The following MAP3K2 variants were observed in gnomAD, a reference collection of about 807,000 sequenced individuals.
MAP3K2 encodes the protein MAP/ERK kinase kinase 2.
MAP3K2 carries 24 observed loss-of-function variants against 80.3 expected under a neutral mutation model. That is an observed-to-expected ratio of 0.30 (90% CI 0.22 to 0.42). The LOEUF (loss-of-function observed/expected upper bound fraction) is 0.42. MAP3K2 is among the 10% of genes least tolerant of loss of function. MAP3K2 has a pLI of 1.00. For synonymous variants in MAP3K2, 244 were observed against 253.7 expected, an observed-to-expected ratio of 0.96 and a Z score of 0.36; for missense variants, 608 against 750.1, an observed-to-expected ratio of 0.81 and a Z score of 2.21.
intron 1 of MAP3K2, among the ~76,000 whole-genome samples, chr2:127,352,546 A>C (rs1686709500): frequency 6.6e-6 from 1 of 152,166 alleles, no homozygotes; most frequent in Non-Finnish European, 1.5e-5. Context: ...ACTAACCCTC[A>C]AATCTGTATC....
Position 127,364,416 on chromosome 2 carries a change from C to G in MAP3K2, c.-65-21222G>C, listed in dbSNP as rs898818762. Among the ~76,000 whole-genome samples the G allele has an allele frequency of 6.6e-6, 1 of 152,114 alleles. No homozygotes were observed. Among genetic ancestry groups the G allele is most frequent in the Non-Finnish European group, 1.5e-5 (1 of 68,018 alleles). The stretch of plus-strand genomic sequence containing the variant: ...GCTTCCTTTTTTCTACTTGTCCAAA[C>G]CATCTTTTAAGGGCCCAGCTTAAGC... On this transcript the variant is annotated intron_variant, in intron 1 of 16. Coordinates refer to ENST00000682094, the MANE Select transcript of MAP3K2 (RefSeq NM_001371910.2). This position sits in a 1 kb window ranked among gnomAD's most constrained non-coding sequence, Gnocchi z 4.1.
chr2:127,317,039 C>T (rs1002420912), intron 14 of MAP3K2: 16 of 143,196 alleles, frequency 1.1e-4, no homozygotes, highest in Admixed American at 3.1e-4. Flanking sequence ...CTAGAGAAAT[C>T]CATGAGAATT....
chr2:127,357,407 G>A (rs1340227638), intron 1 of MAP3K2, among the ~76,000 whole-genome samples: 1 of 152,172 alleles, frequency 6.6e-6, no homozygotes, highest in African/African-American at 2.4e-5. Flanking sequence ...GAGGATCCCT[G>A]AGCCCAGGAG....
intron 1 of MAP3K2, among the ~76,000 whole-genome samples, chr2:127,349,381 G>C (rs1573996953): frequency 6.6e-6 from 1 of 152,028 alleles, no homozygotes. Flanking sequence ...GCCCAGGCTG[G>C]TCTCAAACTC....
intron 7 of MAP3K2, among the ~76,000 whole-genome samples, chr2:127,329,366 C>CTTTTTT (rs10625897): frequency 1.1e-4 from 16 of 146,360 alleles, no homozygotes; most frequent in Non-Finnish European, 1.3e-4. Context: ...CAATTAAAAC[C>CTTTTTT]TTTTTTTTTG....
At chr2:127,381,633 C>T (rs920553717) in intron 1 of MAP3K2, among the ~76,000 whole-genome samples, 2 of 152,210 alleles carry the variant, frequency 1.3e-5, no homozygotes, top group African/African-American at 4.8e-5. Context: ...GGAGAACAGG[C>T]TAGCATTACA....
At chr2:127,359,542 A>C (rs1686850807) in intron 1 of MAP3K2, among the ~76,000 whole-genome samples, 1 of 152,210 alleles carries the variant, frequency 6.6e-6, no homozygotes, top group Non-Finnish European at 1.5e-5. Context: ...GAAATGTTCG[A>C]CAATTTTTTA....
At position 127,339,603 on chromosome 2, in the gene MAP3K2, A is replaced by G. The variant is rs1379829017; in HGVS notation, c.5-553T>C. On this transcript the variant is annotated intron_variant, in intron 2 of 16. Transcript: ENST00000682094. The surrounding 1 kb of genome is among the most constrained non-coding windows in gnomAD (Gnocchi z 4.2). ...CTTCACCATAAGGTTTGACAAGACT[A>G]AAAACAGACTATTTAAAGATCTTGG... is the stretch of plus-strand genomic sequence containing the variant. 1.3e-5 allele frequency among the ~76,000 whole-genome samples: 2 copies of G among 152,208 alleles called. No homozygotes were observed. The highest frequency in any genetic ancestry group is 6.5e-5 in the Admixed American group (1 of 15,280).
At position 127,307,476 on chromosome 2, in the gene MAP3K2, TCTCCCCCATCTCTC is replaced by T; in HGVS notation, c.*89_*102del. 1 of 572,376 alleles carries T rather than the reference TCTCCCCCATCTCTC, an allele frequency of 1.7e-6. No individual in the cohort carries two copies. 35.5% of individuals were successfully genotyped at this position (572,376 alleles called of 1,614,324 possible). ...GAAATACTTTCCCTCTTGTCTTTTT[TCTCCCCCATCTCTC>T]TTTTTTTATAAAAAAGAAAAGTGCA... On this transcript the variant is annotated 3_prime_UTR_variant, in exon 17 of 17. Coordinates refer to ENST00000682094, the MANE Select transcript of MAP3K2 (RefSeq NM_001371910.2). This position sits in a 1 kb window ranked among gnomAD's most constrained non-coding sequence, Gnocchi z 5.4.
rs1407723735 is a variant in MAP3K2 at position 127,387,377 on chromosome 2, C to G, written c.-66+75G>C. Reference sequence around the variant, plus strand: ...AGCCCCCCTCCCGGCGCCCAGCCCGCGGCCCCCGACACACACGCGCGCACA... The same window carrying G: ...AGCCCCCCTCCCGGCGCCCAGCCCGGGGCCCCCGACACACACGCGCGCACA... On this transcript the variant is annotated intron_variant, in intron 1 of 16. Transcript: ENST00000682094. The G allele has an allele frequency of 4.1e-6, 3 of 726,842 alleles. No individual in the cohort carries two copies. In the African/African-American group the frequency reaches 5.8e-5, roughly 14 times the overall value. 45.0% of individuals were successfully genotyped at this position (726,842 alleles called of 1,614,324 possible).
upstream of MAP3K2, chr2:127,388,223 T>G (rs1313237897): frequency 1.1e-6 from 1 of 950,916 alleles, no homozygotes; most frequent in Non-Finnish European, 1.2e-6. Context: ...GCCTGTGCTG[T>G]TCCGTGTGCG....
rs772559116 is a variant in MAP3K2, at chr2:127,355,235, T to C, written c.-65-12041A>G. Among the ~76,000 whole-genome samples the C allele has an allele frequency of 3.9e-5, 6 of 152,128 alleles. 1 individual carries two copies. The highest frequency in any genetic ancestry group is 5.9e-5 in the Non-Finnish European group (4 of 68,036). On this transcript the variant is annotated intron_variant, in intron 1 of 16. Coordinates refer to ENST00000682094, the MANE Select transcript of MAP3K2 (RefSeq NM_001371910.2). ...GGCACAAAAAACTTGAAAAACACTT[T>C]ACCAAGATGCATCACAAACTGCTTA...
At position 127,301,470 on chromosome 2, in the gene MAP3K2, C is replaced by A. The variant is rs1418125437; in HGVS notation, c.*6109G>T. 1 of 152,188 alleles carries A rather than the reference C, an allele frequency of 6.6e-6. No homozygotes were observed. The highest frequency in any genetic ancestry group is 1.5e-5 in the Non-Finnish European group (1 of 68,030). The allele number at this position is 152,188 out of a possible 1,614,324, so 9.4% of individuals were successfully genotyped here. On this transcript the variant is annotated 3_prime_UTR_variant, in exon 17 of 17. Transcript: ENST00000682094. Reference sequence around the variant, plus strand: ...TGAAGGATATACCAGAATACAAATTCTACTAGTATCTGCTTTATAATTTTT... The same window carrying A: ...TGAAGGATATACCAGAATACAAATTATACTAGTATCTGCTTTATAATTTTT...
chr2:127,353,718 G>A (rs1280087447), intron 1 of MAP3K2, among the ~76,000 whole-genome samples: 2 of 151,650 alleles, frequency 1.3e-5, no homozygotes, highest in African/African-American at 2.4e-5. Flanking sequence ...CCCTCTGCCC[G>A]GCCACCACCC....
Position 127,322,156 on chromosome 2 carries a change from C to A in MAP3K2, c.935G>T (p.Ser312Ile). The A allele has an allele frequency of 6.2e-7, 1 of 1,613,850 alleles. No individual in the cohort carries two copies. The change falls in exon 12 of 17, where the codon AGT becomes ATT. Residue 312 changes from serine to isoleucine, a missense_variant. Coordinates refer to ENST00000682094, the MANE Select transcript of MAP3K2 (RefSeq NM_001371910.2). The surrounding 1 kb of genome is among the most constrained non-coding windows in gnomAD (Gnocchi z 4.2). ...CTCTGGGGTAAAGATACTGCTTCCA[C>A]TACTAGTGCTTAAGGAATGATCAGT... The part of the protein sequence containing the change: ...SPTDHSLSTS[S>I]GSSIFTPEYD...
intron 1 of MAP3K2, among the ~76,000 whole-genome samples, chr2:127,366,040 TTGAC>T (rs1686964977): frequency 6.6e-6 from 1 of 152,196 alleles, no homozygotes. Flanking sequence ...GGTCTCCAAT[TTGAC>T]TGCTTCCAAA....
chr2:127,333,509 A>G (rs1221851859), intron 5 of MAP3K2, among the ~76,000 whole-genome samples: 1 of 152,180 alleles, frequency 6.6e-6, no homozygotes, highest in Admixed American at 6.5e-5. Context: ...TTGCCTGACC[A>G]CATGTCCACA....
At chr2:127,385,803 C>T (rs1158963990) in intron 1 of MAP3K2, among the ~76,000 whole-genome samples, 1 of 152,166 alleles carries the variant, frequency 6.6e-6, no homozygotes, top group African/African-American at 2.4e-5. Flanking sequence ...AATACAGCAC[C>T]TGTTAGTTTA....
In MAP3K2 at chr2:127,310,032, T is replaced by C. The variant is rs1685781515; in HGVS notation, c.1457-1270A>G. ...GGAGTTATGCTGCAGAAGAGATTTG[T>C]CTCCCCTCTCCCACATATTTATTAA... On this transcript the variant is annotated intron_variant, in intron 15 of 16. Coordinates refer to ENST00000682094, the MANE Select transcript of MAP3K2 (RefSeq NM_001371910.2). The surrounding 1 kb of genome is among the most constrained non-coding windows in gnomAD (Gnocchi z 4.8). 6.6e-6 allele frequency among the ~76,000 whole-genome samples: 1 copy of C among 152,170 alleles called. No individual in the cohort carries two copies. Among genetic ancestry groups the C allele is most frequent in the Non-Finnish European group, 1.5e-5 (1 of 68,044 alleles).
Sources: gnomAD v4.1 joint callset for allele counts (sites outside exome capture counted in the v4.1 genomes callset) on GRCh38, gnomAD v4.1.1 for gene constraint, Gnocchi (gnomAD v3.1) non-coding constraint, MANE v1.5 for transcripts, NCBI Gene and HGNC (gene_info 2026-07-23, HGNC 2026-07-21) for gene names.